Variants in PPP1R12B observed in about 807,000 individuals in gnomAD.
The protein encoded by PPP1R12B is protein phosphatase 1 regulatory subunit 12B.
PPP1R12B carries 76 observed loss-of-function variants against 126.1 expected under a neutral mutation model. That is an observed-to-expected ratio of 0.60 (90% CI 0.50 to 0.73). The LOEUF is 0.73. Ranked by LOEUF, PPP1R12B falls within the 30% of genes least tolerant of loss-of-function variation. The pLI is 0.00. For missense variants in PPP1R12B, 1,052 were observed against 1,205.1 expected (o/e 0.87, Z 1.88); for synonymous variants, 356 against 434.7 (o/e 0.82, Z 2.25).
Position 202,500,865 on chromosome 1 carries a change from T to A in PPP1R12B, c.2490+4043T>A, listed in dbSNP as rs893865368. On this transcript the variant is annotated intron_variant, in intron 18 of 23. Transcript: ENST00000608999. ...ACTATTATAATGCATCAATTTAAAA[T>A]TTTTAAAAAGAGAGTATGTGATAGA... Among the ~76,000 whole-genome samples, 107 of 152,210 alleles carry A rather than the reference T, an allele frequency of 7.0e-4. 2 individuals are homozygous for A. Among genetic ancestry groups the A allele is most frequent in the Non-Finnish European group, 2.6e-4 (18 of 68,034 alleles).
Position 202,510,358 on chromosome 1 carries a change from G to A in PPP1R12B, c.2490+13536G>A, listed in dbSNP as rs183745586. Among the ~76,000 whole-genome samples, 12 of 152,302 alleles carry A rather than the reference G, an allele frequency of 7.9e-5. No individual in the cohort carries two copies. The South Asian group carries it at 8.3e-4, about 11-fold the overall frequency. On this transcript the variant is annotated intron_variant, in intron 18 of 23. Coordinates refer to ENST00000608999, the MANE Select transcript of PPP1R12B (RefSeq NM_002481.4). ...TGTAGGTTTTTAGACCTCTCCCCTTGAGATTCTGGATAAGGAGGTGACATG... is the reference window on the plus strand; with the variant it reads ...TGTAGGTTTTTAGACCTCTCCCCTTAAGATTCTGGATAAGGAGGTGACATG...
intron 1 of PPP1R12B, among the ~76,000 whole-genome samples, chr1:202,362,011 A>G (rs973375083): frequency 2.0e-5 from 3 of 151,004 alleles, no homozygotes; most frequent in Non-Finnish European, 2.9e-5. Flanking sequence ...AGTGGGATGT[A>G]TGGTTTTATG....
chr1:202,566,706 C>CT (rs1278609131), intron 21 of PPP1R12B, among the ~76,000 whole-genome samples: 2 of 152,172 alleles, frequency 1.3e-5, no homozygotes, highest in African/African-American at 4.8e-5. Flanking sequence ...GTAGATGCAG[C>CT]ATAAAGGCAG....
intron 2 of PPP1R12B, among the ~76,000 whole-genome samples, chr1:202,417,120 ACT>A (rs1668176726): frequency 6.6e-6 from 1 of 151,378 alleles, no homozygotes; most frequent in Admixed American, 6.6e-5. Flanking sequence ...TTTAGTTGAA[ACT>A]CTTTTTGTTT....
chr1:202,514,773 C>G (rs934294711), intron 18 of PPP1R12B, among the ~76,000 whole-genome samples: 1 of 152,124 alleles, frequency 6.6e-6, no homozygotes, highest in African/African-American at 2.4e-5. Context: ...CTATTCTATT[C>G]CATTGGTCTG....
intron 21 of PPP1R12B, chr1:202,567,543 G>T: frequency 2.0e-6 from 1 of 498,312 alleles, no homozygotes; most frequent in South Asian, 3.4e-5. Context: ...GTAATTTCAG[G>T]GAATACTACT....
At chr1:202,553,574 GTAGACTAACTTCTGT>G in intron 18 of PPP1R12B, among the ~76,000 whole-genome samples, 1 of 152,202 alleles carries the variant, frequency 6.6e-6, no homozygotes, top group Non-Finnish European at 1.5e-5. Flanking sequence ...TACTTACAGA[GTAGACTAACTTCTGT>G]TTTTGAGAAG....
At chr1:202,443,691 G>C (rs1671901695) in intron 12 of PPP1R12B, among the ~76,000 whole-genome samples, 1 of 152,146 alleles carries the variant, frequency 6.6e-6, no homozygotes, top group South Asian at 2.1e-4. Flanking sequence ...GGTCTTCCTG[G>C]ATGCATTATT....
intron 1 of PPP1R12B, among the ~76,000 whole-genome samples, chr1:202,415,667 A>C (rs1667971274): frequency 6.6e-6 from 1 of 152,044 alleles, no homozygotes; most frequent in Non-Finnish European, 1.5e-5. Context: ...TGTTTGTCTT[A>C]TGGTAAGCCT....
intron 18 of PPP1R12B, among the ~76,000 whole-genome samples, chr1:202,533,108 A>G (rs1242834155): frequency 6.6e-6 from 1 of 152,082 alleles, no homozygotes; most frequent in East Asian, 1.9e-4. Flanking sequence ...ACCTCAGGTG[A>G]TCTGCCCGCC....
rs1687940543 is a variant in PPP1R12B, at chr1:202,565,157, C to T, written c.2757+610C>T. ...CTGATAAACTATTTCCTCTCACTGC[C>T]AGGTTTGATTTAATTAGATGATGCT... On this transcript the variant is annotated intron_variant, in intron 21 of 23. Coordinates refer to ENST00000608999, the MANE Select transcript of PPP1R12B (RefSeq NM_002481.4). The surrounding 1 kb of genome is among the most constrained non-coding windows in gnomAD (Gnocchi z 4.3). 1.3e-5 allele frequency among the ~76,000 whole-genome samples: 2 copies of T among 152,196 alleles called. No individual in the cohort carries two copies. The highest frequency in any genetic ancestry group is 2.4e-5 in the African/African-American group (1 of 41,456).
intron 1 of PPP1R12B, among the ~76,000 whole-genome samples, chr1:202,372,710 C>T (rs1449046706): frequency 6.6e-6 from 1 of 150,992 alleles, no homozygotes; most frequent in Non-Finnish European, 1.5e-5. Context: ...GAATTCAGGT[C>T]TATAGTGAAC....
intron 18 of PPP1R12B, chr1:202,539,788 T>C (rs1164429116): frequency 6.2e-6 from 1 of 160,046 alleles, no homozygotes; most frequent in African/African-American, 2.4e-5. Context: ...CAGGTTTTAT[T>C]GGAGAGCAAG....
At chr1:202,558,636 C>G (rs1191236287) in intron 18 of PPP1R12B, 1 of 452,852 alleles carries the variant, frequency 2.2e-6, no homozygotes, top group Admixed American at 4.2e-5. Context: ...AGGTGCTATC[C>G]CTAATGCCTC....
rs555156234 is a variant in PPP1R12B at position 202,359,522 on chromosome 1, C to CTA, written c.291+10383_291+10384dup. 4.3e-3 allele frequency among the ~76,000 whole-genome samples: 658 copies of CTA among 152,096 alleles called. 1 individual carries two copies. Among genetic ancestry groups the CTA allele is most frequent in the African/African-American group, 0.015 (635 of 41,504 alleles). Reference sequence around the variant, plus strand: ...ATCAGCTGGGCGTGGTGGCTCATGCCTATAATCCTAGCACTGGGAGGCCAA... The same window carrying CTA: ...ATCAGCTGGGCGTGGTGGCTCATGCCTATATAATCCTAGCACTGGGAGGCCAA... On this transcript the variant is annotated intron_variant, in intron 1 of 23. Transcript: ENST00000608999.
At chr1:202,383,744 A>G (rs1300568903) in intron 1 of PPP1R12B, among the ~76,000 whole-genome samples, 1 of 152,142 alleles carries the variant, frequency 6.6e-6, no homozygotes. Flanking sequence ...AAAAAGATAT[A>G]ATCTAAATTA....
intron 1 of PPP1R12B, among the ~76,000 whole-genome samples, chr1:202,386,194 C>T (rs1663112505): frequency 6.6e-6 from 1 of 152,138 alleles, no homozygotes; most frequent in African/African-American, 2.4e-5. Context: ...TCCCAAAGTA[C>T]TGGGATTACA....
chr1:202,439,913 T>C (rs1461976484), intron 10 of PPP1R12B: 101 of 216,300 alleles, frequency 4.7e-4, no homozygotes, highest in African/African-American at 2.0e-3. Context: ...GCTCACTTCC[T>C]GCCACAGTGT....
chr1:202,446,236 C>CTCTCTCTCTA (rs1491246158), intron 12 of PPP1R12B, among the ~76,000 whole-genome samples: 13 of 88,044 alleles, frequency 1.5e-4, no homozygotes, highest in South Asian at 5.7e-4. Flanking sequence ...CTCTCTCTCT[C>CTCTCTCTCTA]TATATATATA....
Sources: gnomAD v4.1 joint callset for allele counts (sites outside exome capture counted in the v4.1 genomes callset) on GRCh38, gnomAD v4.1.1 for gene constraint, Gnocchi (gnomAD v3.1) non-coding constraint, MANE v1.5 for transcripts, NCBI Gene and HGNC (gene_info 2026-07-23, HGNC 2026-07-21) for gene names.